Variants in BCHE observed in about 807,000 individuals in gnomAD.
BCHE encodes cholinesterase.
In BCHE, 48 loss-of-function variants were observed where a neutral mutation model predicts 51.3. The ratio of observed to expected loss-of-function variants is 0.94; its 90% CI spans 0.74 to 1.19. The LOEUF (loss-of-function observed/expected upper bound fraction) is 1.19. Ranked by LOEUF, BCHE falls within the 50% of genes most tolerant of loss-of-function variation. The probability of loss-of-function intolerance (pLI) is 0.00; values close to 1 mark genes in which losing one functional copy is unlikely to be tolerated. For missense variants in BCHE, 847 were observed against 708.2 expected (o/e 1.20, Z -2.23); for synonymous variants, 251 against 238.0 (o/e 1.05, Z -0.50).
intron 1 of BCHE, among the ~76,000 whole-genome samples, chr3:165,835,180 A>G (rs1715146956): frequency 1.0e-5 from 1 of 98,708 alleles, no homozygotes; most frequent in African/African-American, 3.5e-5. Context: ...ACTTTCAAAT[A>G]AAAAAGGTGA....
rs531225928 is a variant in BCHE at position 165,797,831 on chromosome 3, A to G, written c.1518-11520T>C. On this transcript the variant is annotated intron_variant, in intron 2 of 3. Coordinates refer to ENST00000264381, the MANE Select transcript of BCHE (RefSeq NM_000055.4). ...TGGAAACTTAGTTTTGTAGTAGCAT[A>G]TACAAATCTTAAAATAGCTTGATTT... Among the ~76,000 whole-genome samples, 22 of 152,320 alleles carry G rather than the reference A, an allele frequency of 1.4e-4. No homozygotes were observed. The South Asian group carries it at 3.1e-3, about 22-fold the overall frequency.
At chr3:165,822,594 T>C (rs1714571730) in intron 2 of BCHE, among the ~76,000 whole-genome samples, 2 of 152,084 alleles carry the variant, frequency 1.3e-5, no homozygotes, top group African/African-American at 4.8e-5. Flanking sequence ...ACATTGGCTG[T>C]CACACATGAT....
intron 2 of BCHE, among the ~76,000 whole-genome samples, chr3:165,788,710 C>T (rs1250149964): frequency 6.6e-6 from 1 of 152,064 alleles, no homozygotes; most frequent in Non-Finnish European, 1.5e-5. Flanking sequence ...CTGTGAATGG[C>T]AACGTAAACA....
chr3:165,801,506 T>C (rs7640679), intron 2 of BCHE, among the ~76,000 whole-genome samples: 101,929 of 151,934 alleles, frequency 0.67, 35,638 homozygotes, highest in East Asian at 0.78. Flanking sequence ...TTTATATAAA[T>C]ACATCATTAT....
chr3:165,815,439 T>G (rs1286821283), intron 2 of BCHE, among the ~76,000 whole-genome samples: 1 of 152,082 alleles, frequency 6.6e-6, no homozygotes, highest in Non-Finnish European at 1.5e-5. Flanking sequence ...TAGCTTCAGC[T>G]CTGTAAGCCT....
chr3:165,782,392 C>T (rs1335458228), intron 3 of BCHE, among the ~76,000 whole-genome samples: 1 of 151,870 alleles, frequency 6.6e-6, no homozygotes, highest in Non-Finnish European at 1.5e-5. Context: ...AGGGAATAGT[C>T]GTGGAAGGCA....
In BCHE at chr3:165,773,225, TA is replaced by T; in HGVS notation, c.*156del. 1.5e-6 allele frequency: 1 copy of T among 660,384 alleles called. No individual in the cohort carries two copies. The highest frequency in any genetic ancestry group is 2.5e-6 in the Non-Finnish European group (1 of 403,124). 40.9% of individuals were successfully genotyped at this position (660,384 alleles called of 1,614,324 possible). ...GCCATTTGGGTTTTGAAATGCTAGGTAAAATACTAAGTTAAAGATGTGAGGA... is the reference window on the plus strand; with the variant it reads ...GCCATTTGGGTTTTGAAATGCTAGGTAAATACTAAGTTAAAGATGTGAGGA... On this transcript the variant is annotated 3_prime_UTR_variant, in exon 4 of 4. Coordinates refer to ENST00000264381, the MANE Select transcript of BCHE (RefSeq NM_000055.4).
chr3:165,778,382 G>C (rs1269768193), intron 3 of BCHE: 1 of 167,746 alleles, frequency 6.0e-6, no homozygotes, highest in African/African-American at 2.4e-5. Context: ...TAGACTCTAA[G>C]AAGACAAAGG....
At chr3:165,814,628 G>A (rs1176489522) in intron 2 of BCHE, among the ~76,000 whole-genome samples, 1 of 151,866 alleles carries the variant, frequency 6.6e-6, no homozygotes, top group Non-Finnish European at 1.5e-5. Context: ...ACACTTGCTG[G>A]CCTGATTTCT....
intron 2 of BCHE, among the ~76,000 whole-genome samples, chr3:165,824,506 A>G (rs1714647297): frequency 6.6e-6 from 1 of 152,104 alleles, no homozygotes; most frequent in South Asian, 2.1e-4. Context: ...TATGCTCCAC[A>G]TCTATTATTT....
intron 2 of BCHE, among the ~76,000 whole-genome samples, chr3:165,825,657 T>C (rs952949339): frequency 6.6e-6 from 1 of 151,982 alleles, no homozygotes; most frequent in Non-Finnish European, 1.5e-5. Flanking sequence ...ACCCATTAAC[T>C]CGTCATTTAA....
At chr3:165,807,947 A>G (rs1560013895) in intron 2 of BCHE, among the ~76,000 whole-genome samples, 1 of 151,762 alleles carries the variant, frequency 6.6e-6, no homozygotes, top group Non-Finnish European at 1.5e-5. Flanking sequence ...TTTAATGGAA[A>G]CTGACAACCT....
In BCHE at chr3:165,786,275, C is replaced by T; in HGVS notation, c.1554G>A (p.Trp518Ter). The change falls in exon 3 of 4, where the codon TGG (tryptophan) becomes TGA (stop). Residue 518 changes from tryptophan to a stop codon, truncating the protein, a stop_gained. Transcript: ENST00000264381. LOFTEE classifies it high-confidence loss of function. ...TTTGTTCAGTGCTTTTGAAGACAGG[C>T]CAGCTTGTGCTATTGTTCTGAGTCT... is the stretch of plus-strand genomic sequence containing the variant. ...PNETQNNSTS[W>*]PVFKSTEQKY... 1.2e-6 allele frequency: 2 copies of T among 1,611,748 alleles called. No individual in the cohort carries two copies. The highest frequency in any genetic ancestry group is 1.7e-6 in the Non-Finnish European group (2 of 1,178,468).
At chr3:165,837,227 C>T (rs1715219493) in intron 1 of BCHE, 87 bp downstream of exon 1, 1 of 873,272 alleles carries the variant, frequency 1.1e-6, no homozygotes, top group Admixed American at 2.4e-5. Flanking sequence ...ACACAACAAA[C>T]ACATGAAGAG....
chr3:165,820,166 C>G (rs1371980173), intron 2 of BCHE, among the ~76,000 whole-genome samples: 2 of 149,624 alleles, frequency 1.3e-5, no homozygotes, highest in Non-Finnish European at 3.0e-5. Flanking sequence ...TCAAACATAT[C>G]TCAGTTTTAT....
chr3:165,777,483 G>T (rs187365118), intron 3 of BCHE, among the ~76,000 whole-genome samples: 1 of 151,800 alleles, frequency 6.6e-6, no homozygotes, highest in Admixed American at 6.6e-5. Context: ...TCAAGATTTC[G>T]AATGATCAAA....
At chr3:165,788,448 G>A (rs142727468) in intron 2 of BCHE, among the ~76,000 whole-genome samples, 264 of 152,164 alleles carry the variant, frequency 1.7e-3, no homozygotes, top group African/African-American at 6.2e-3. Context: ...TATTATTTGA[G>A]AGAGGTCAAG....
intron 2 of BCHE, among the ~76,000 whole-genome samples, chr3:165,789,722 T>A (rs1274030156): frequency 6.6e-6 from 1 of 152,134 alleles, no homozygotes; most frequent in Non-Finnish European, 1.5e-5. Flanking sequence ...TTTTAAAATG[T>A]TAAAATATTT....
chr3:165,822,276 T>C (rs1031717004), intron 2 of BCHE, among the ~76,000 whole-genome samples: 5 of 151,990 alleles, frequency 3.3e-5, no homozygotes, highest in Admixed American at 6.6e-5. Context: ...AATATTAAAG[T>C]TTACCTTTAT....
Sources: gnomAD v4.1 joint callset for allele counts (sites outside exome capture counted in the v4.1 genomes callset) on GRCh38, gnomAD v4.1.1 for gene constraint, MANE v1.5 for transcripts, NCBI Gene and HGNC (gene_info 2026-07-23, HGNC 2026-07-21) for gene names.